ELOVL6: variants seen among roughly 807,000 people sequenced by gnomAD.
ELOVL6 encodes the protein very long chain fatty acid elongase 6.
ELOVL6 carries 8 observed loss-of-function variants against 31.7 expected under a neutral mutation model. That is an observed-to-expected ratio of 0.25 (90% CI 0.15 to 0.45). ELOVL6 has a LOEUF of 0.45. ELOVL6 is among the 20% of genes least tolerant of loss of function. The probability of loss-of-function intolerance (pLI) is 1.00; values close to 1 mark genes in which losing one functional copy is unlikely to be tolerated. For synonymous variants in ELOVL6, 101 were observed against 117.7 expected, an observed-to-expected ratio of 0.86 and a Z score of 0.92; for missense variants, 126 against 326.4, an observed-to-expected ratio of 0.39 and a Z score of 4.73.
At chr4:110,154,760 A>C (rs1758368678) in intron 1 of ELOVL6, among the ~76,000 whole-genome samples, 1 of 152,188 alleles carries the variant, frequency 6.6e-6, no homozygotes, top group Admixed American at 6.5e-5. Flanking sequence ...TGCTACATGA[A>C]AGGGAAGTGG....
intron 1 of ELOVL6, among the ~76,000 whole-genome samples, chr4:110,133,519 G>C (rs895252164): frequency 2.0e-5 from 3 of 152,172 alleles, no homozygotes; most frequent in African/African-American, 7.2e-5. Flanking sequence ...TAAGGTGACA[G>C]GCTTTGGGAA....
intron 2 of ELOVL6, among the ~76,000 whole-genome samples, chr4:110,066,393 T>C (rs1042375296): frequency 6.6e-6 from 1 of 151,802 alleles, no homozygotes; most frequent in Non-Finnish European, 1.5e-5. Flanking sequence ...TCCCAGCACT[T>C]TGGGAGGCCG....
At chr4:110,185,920 G>A (rs1285856470) in intron 1 of ELOVL6, among the ~76,000 whole-genome samples, 3 of 152,138 alleles carry the variant, frequency 2.0e-5, no homozygotes, top group Non-Finnish European at 2.9e-5. Context: ...GGCTGGGCAC[G>A]GTGGCTCACA....
intron 2 of ELOVL6, among the ~76,000 whole-genome samples, chr4:110,077,154 C>A (rs949392149): frequency 6.6e-6 from 1 of 152,232 alleles, no homozygotes; most frequent in Non-Finnish European, 1.5e-5. Context: ...GTAGACTCCA[C>A]CTCTGGGGGC....
intron 2 of ELOVL6, among the ~76,000 whole-genome samples, chr4:110,104,202 A>G (rs1482886262): frequency 6.6e-6 from 1 of 152,228 alleles, no homozygotes; most frequent in Non-Finnish European, 1.5e-5. Flanking sequence ...ATTAGGATAG[A>G]GATAAATTCC....
intron 1 of ELOVL6, among the ~76,000 whole-genome samples, chr4:110,152,823 A>C (rs1235652144): frequency 6.6e-6 from 1 of 152,188 alleles, no homozygotes; most frequent in Non-Finnish European, 1.5e-5. Flanking sequence ...ATTTCAGAAA[A>C]TTTTAGAAGG....
intron 3 of ELOVL6, among the ~76,000 whole-genome samples, chr4:110,058,551 C>T (rs17041309): frequency 0.056 from 8,464 of 152,144 alleles, 313 homozygotes; most frequent in South Asian, 0.13. Context: ...TGAATGGACA[C>T]GGGGCGTGAA....
At position 110,046,229 on chromosome 4, in the gene ELOVL6, G is replaced by A. The variant is rs1008583176; in HGVS notation, c.*5109C>T. ...GTAACAGCATTTAAATACCAATGTCGAGTCAGAACCCTTCATGGCCGGCCC... is the reference window on the plus strand; with the variant it reads ...GTAACAGCATTTAAATACCAATGTCAAGTCAGAACCCTTCATGGCCGGCCC... On this transcript the variant is annotated 3_prime_UTR_variant, in exon 4 of 4. Coordinates refer to ENST00000302274, the MANE Select transcript of ELOVL6 (RefSeq NM_024090.3). 4 of 152,174 alleles carry A rather than the reference G, an allele frequency of 2.6e-5. No homozygotes were observed. Among genetic ancestry groups the A allele is most frequent in the Non-Finnish European group, 1.5e-5 (1 of 68,038 alleles). The allele number at this position is 152,174 out of a possible 1,614,324, so 9.4% of individuals were successfully genotyped here.
intron 2 of ELOVL6, among the ~76,000 whole-genome samples, chr4:110,084,437 TATG>T (rs368790952): frequency 0.037 from 2,842 of 76,290 alleles, 258 homozygotes; most frequent in African/African-American, 0.051. Context: ...ATATATCATA[TATG>T]ATATATCGCA....
At chr4:110,166,469 G>A (rs1227435931) in intron 1 of ELOVL6, among the ~76,000 whole-genome samples, 4 of 152,032 alleles carry the variant, frequency 2.6e-5, no homozygotes, top group Non-Finnish European at 5.9e-5. Flanking sequence ...AAAATTACCT[G>A]GGTGTGGTGG....
intron 2 of ELOVL6, among the ~76,000 whole-genome samples, chr4:110,084,440 GATATATCGC>G (rs1756144549): frequency 1.2e-5 from 1 of 80,490 alleles, no homozygotes; most frequent in African/African-American, 5.8e-5. Context: ...TATCATATAT[GATATATCGC>G]ATATATCATA....
intron 1 of ELOVL6, among the ~76,000 whole-genome samples, chr4:110,110,237 C>G (rs1359276966): frequency 6.6e-6 from 1 of 151,982 alleles, no homozygotes; most frequent in Non-Finnish European, 1.5e-5. Context: ...TAATGTATGT[C>G]TATGGTGGTT....
At chr4:110,062,423 C>A (rs72676982) in intron 2 of ELOVL6, among the ~76,000 whole-genome samples, 9,330 of 152,262 alleles carry the variant, frequency 0.061, 402 homozygotes, top group East Asian at 0.16. Context: ...AGTGCTACTG[C>A]TGGGGAGCAC....
chr4:110,186,011 G>A (rs1759427466), intron 1 of ELOVL6, among the ~76,000 whole-genome samples: 1 of 151,798 alleles, frequency 6.6e-6, no homozygotes, highest in African/African-American at 2.4e-5. Flanking sequence ...CTAACATGGT[G>A]AAACCCTGTA....
chr4:110,198,542 C>T lies in ELOVL6; in HGVS notation c.-207G>A, dbSNP rs2126285189. Reference sequence around the variant, plus strand: ...ATTGCCTGCGCCTCCGCTCCCAGCTCCTCTCTCTGGGGCTCTCCTCCTCCC... The same window carrying T: ...ATTGCCTGCGCCTCCGCTCCCAGCTTCTCTCTCTGGGGCTCTCCTCCTCCC... On this transcript the variant is annotated 5_prime_UTR_variant, in exon 1 of 4. Coordinates refer to ENST00000302274, the MANE Select transcript of ELOVL6 (RefSeq NM_024090.3). 1 of 536,320 alleles carries T rather than the reference C, an allele frequency of 1.9e-6. No individual in the cohort carries two copies. Among genetic ancestry groups the T allele is most frequent in the Admixed American group, 3.5e-5 (1 of 28,394 alleles). 33.2% of individuals were successfully genotyped at this position (536,320 alleles called of 1,614,324 possible).
At chr4:110,187,780 T>C (rs1759492871) in intron 1 of ELOVL6, among the ~76,000 whole-genome samples, 1 of 151,980 alleles carries the variant, frequency 6.6e-6, no homozygotes, top group Non-Finnish European at 1.5e-5. Flanking sequence ...ACCCAGGCTG[T>C]CACAGTTTAG....
At chr4:110,113,885 C>A (rs568559370) in intron 1 of ELOVL6, among the ~76,000 whole-genome samples, 2 of 152,280 alleles carry the variant, frequency 1.3e-5, no homozygotes, top group East Asian at 3.9e-4. Flanking sequence ...AAGAAATACT[C>A]TTCATTCTAC....
intron 1 of ELOVL6, among the ~76,000 whole-genome samples, chr4:110,162,638 C>G (rs1162331952): frequency 6.6e-6 from 1 of 151,912 alleles, no homozygotes; most frequent in African/African-American, 2.4e-5. Context: ...AACAACTGTG[C>G]CAGGCCTGAA....
In ELOVL6 at chr4:110,126,296, T is replaced by C. The variant is rs781734146; in HGVS notation, c.90-20668A>G. ...TGGACTCAAGGCTGACCCACCTGCC[T>C]CGGCCTCCCAAAGTGCTGAGATTAC... On this transcript the variant is annotated intron_variant, in intron 1 of 3. Coordinates refer to ENST00000302274, the MANE Select transcript of ELOVL6 (RefSeq NM_024090.3). 2.6e-5 allele frequency among the ~76,000 whole-genome samples: 4 copies of C among 152,300 alleles called. 1 individual carries two copies. Among genetic ancestry groups the C allele is most frequent in the Middle Eastern group, 6.8e-3 (2 of 294 alleles).
Sources: gnomAD v4.1 joint callset for allele counts (sites outside exome capture counted in the v4.1 genomes callset) on GRCh38, gnomAD v4.1.1 for gene constraint, MANE v1.5 for transcripts, NCBI Gene and HGNC (gene_info 2026-07-23, HGNC 2026-07-21) for gene names.